The following CIBAR1 variants were observed in gnomAD, a reference collection of about 807,000 sequenced individuals.
CIBAR1 encodes CBY1 interacting BAR domain containing 1.
A neutral mutation model predicts 44.0 loss-of-function variants in CIBAR1; 25 were observed. The ratio of observed to expected loss-of-function variants is 0.57; its 90% confidence interval spans 0.41 to 0.79. The LOEUF (loss-of-function observed/expected upper bound fraction) is 0.79, where lower values mean the gene tolerates loss of function less well. Ranked by LOEUF, CIBAR1 falls within the 30% of genes least tolerant of loss-of-function variation. CIBAR1 has a pLI of 0.00. For missense variants in CIBAR1, 278 were observed against 344.8 expected, an observed-to-expected ratio of 0.81 and a Z score of 1.53; for synonymous variants, 115 against 119.0, an observed-to-expected ratio of 0.97 and a Z score of 0.22.
intron 1 of CIBAR1, 135 bp downstream of exon 1, chr8:93,700,808 C>T (rs1429219480): frequency 7.5e-7 from 1 of 1,337,230 alleles, no homozygotes; most frequent in African/African-American, 1.5e-5. Context: ...CCCGCTGTGA[C>T]CTGGGGCCTA....
At chr8:93,713,789 G>T (rs1485401828) in intron 6 of CIBAR1, among the ~76,000 whole-genome samples, 1 of 152,214 alleles carries the variant, frequency 6.6e-6, no homozygotes, top group Non-Finnish European at 1.5e-5. Context: ...ATCAGTTGAT[G>T]TGGTTTTACT....
intron 4 of CIBAR1, among the ~76,000 whole-genome samples, chr8:93,707,440 A>T (rs1810641591): frequency 6.6e-6 from 1 of 152,222 alleles, no homozygotes; most frequent in Admixed American, 6.5e-5. Context: ...TCTAAATTTT[A>T]AAATGAAAAT....
intron 7 of CIBAR1, among the ~76,000 whole-genome samples, chr8:93,720,340 T>C (rs184207652): frequency 6.6e-6 from 1 of 152,234 alleles, no homozygotes; most frequent in Admixed American, 6.5e-5. Context: ...CCTGTCCCAT[T>C]ACTCCACGGG....
At chr8:93,711,101 A>T (rs746420498) in intron 6 of CIBAR1, among the ~76,000 whole-genome samples, 2 of 152,170 alleles carry the variant, frequency 1.3e-5, no homozygotes, top group Non-Finnish European at 2.9e-5. Flanking sequence ...ATTCTAACAC[A>T]TATGTAGATT....
chr8:93,707,137 A>G, intron 4 of CIBAR1: 1 of 326,532 alleles, frequency 3.1e-6, no homozygotes, highest in Non-Finnish European at 6.0e-6. Flanking sequence ...TGATATCTGT[A>G]TTCATGGAGT....
chr8:93,709,388 CAAAAG>C (rs1563642484), intron 5 of CIBAR1, among the ~76,000 whole-genome samples: 1 of 151,516 alleles, frequency 6.6e-6, no homozygotes, highest in African/African-American at 2.4e-5. Context: ...GAGAGAGAGA[CAAAAG>C]AAAAATAATT....
chr8:93,722,512 C>A (rs1032465988), intron 7 of CIBAR1, among the ~76,000 whole-genome samples: 8 of 152,128 alleles, frequency 5.3e-5, no homozygotes, highest in Admixed American at 5.2e-4. Context: ...TCCTGGCCAA[C>A]ATGATGAAAC....
Position 93,704,901 on chromosome 8 carries a change from A to G in CIBAR1, c.331-8A>G, listed in dbSNP as rs746040765. The G allele has an allele frequency of 1.9e-6, 3 of 1,547,982 alleles. No individual in the cohort carries two copies. Among genetic ancestry groups the G allele is most frequent in the Admixed American group, 2.1e-5 (1 of 48,116 alleles). ...CATTTTTACTAACAAAAAAATGCCA[A>G]TTTGCAGGATGACCTCAAAGCAACA... On this transcript the variant is annotated splice_region_variant and splice_polypyrimidine_tract_variant and intron_variant, in intron 3 of 8. Transcript: ENST00000518322.
chr8:93,717,560 T>A (rs1347466762), intron 6 of CIBAR1, among the ~76,000 whole-genome samples: 1 of 152,160 alleles, frequency 6.6e-6, no homozygotes, highest in African/African-American at 2.4e-5. Context: ...TAATGCTCCC[T>A]TAAGTGTTTT....
chr8:93,716,035 G>A (rs1174890037), intron 6 of CIBAR1: 1 of 152,016 alleles, frequency 6.6e-6, no homozygotes, highest in African/African-American at 2.4e-5. Flanking sequence ...AGGTACAATG[G>A]TGAGTTTGTT....
chr8:93,708,207 G>A (rs888078714), intron 5 of CIBAR1, among the ~76,000 whole-genome samples, 191 bp downstream of exon 5: 7 of 152,136 alleles, frequency 4.6e-5, no homozygotes, highest in Non-Finnish European at 1.0e-4. Flanking sequence ...TGACTTTTGA[G>A]TAAATATAAT....
rs1194363790 is a variant in CIBAR1 at position 93,700,691 on chromosome 8, G to C, written c.26+18G>C. 6.7e-7 allele frequency: 1 copy of C among 1,498,500 alleles called. No individual in the cohort carries two copies. Among genetic ancestry groups the C allele is most frequent in the East Asian group, 2.9e-5 (1 of 34,480 alleles). 92.8% of individuals were successfully genotyped at this position (1,498,500 alleles called of 1,614,324 possible). A position where few individuals can be genotyped will look rare whatever the true frequency, so the allele number is the denominator to read the frequency against. ...GAAAACCGGTAACAGCCCGAGCCCAGCTGCCCAGGGCCGCCCACACTGGAG... is the reference window on the plus strand; with the variant it reads ...GAAAACCGGTAACAGCCCGAGCCCACCTGCCCAGGGCCGCCCACACTGGAG... On this transcript the variant is annotated intron_variant, in intron 1 of 8. Coordinates refer to ENST00000518322, the MANE Select transcript of CIBAR1 (RefSeq NM_145269.5).
intron 1 of CIBAR1, 88 bp downstream of exon 1, chr8:93,700,761 C>T: frequency 2.1e-6 from 3 of 1,398,516 alleles, no homozygotes; most frequent in Non-Finnish European, 2.8e-6. Context: ...GGGGCCTCTG[C>T]GCCGAATTCC....
At position 93,717,239 on chromosome 8, in the gene CIBAR1, A is replaced by T. The variant is rs1811068784; in HGVS notation, c.544-1436A>T. The stretch of plus-strand genomic sequence containing the variant: ...CTCTAGGAGTTTCCACACTCAAGAA[A>T]ACCTGACTCCTTTCTGGTTTGCAAC... On this transcript the variant is annotated intron_variant, in intron 6 of 8. Transcript: ENST00000518322. Among the ~76,000 whole-genome samples, 4 of 152,338 alleles carry T rather than the reference A, an allele frequency of 2.6e-5. 1 individual carries two copies. The Middle Eastern group carries it at 0.014, about 518-fold the overall frequency.
Position 93,730,194 on chromosome 8 carries a change from G to T in CIBAR1, c.*1897G>T, listed in dbSNP as rs1166976554. Reference sequence around the variant, plus strand: ...TTCATACATAATTATACATCATATAGTATCTAATACAGCTCAATAAACAAC... The same window carrying T: ...TTCATACATAATTATACATCATATATTATCTAATACAGCTCAATAAACAAC... On this transcript the variant is annotated 3_prime_UTR_variant, in exon 9 of 9. Transcript: ENST00000518322. The T allele has an allele frequency of 6.6e-6, 1 of 152,118 alleles. No homozygotes were observed. The highest frequency in any genetic ancestry group is 1.5e-5 in the Non-Finnish European group (1 of 68,018). 9.4% of individuals were successfully genotyped at this position (152,118 alleles called of 1,614,324 possible).
At chr8:93,724,617 C>A in intron 7 of CIBAR1, 1 of 1,246,546 alleles carries the variant, frequency 8.0e-7, no homozygotes, top group African/African-American at 1.6e-5. Context: ...AGGGAGAATG[C>A]CCAGGCTTAT....
chr8:93,721,381 TTCC>T (rs1811256120), intron 7 of CIBAR1, among the ~76,000 whole-genome samples: 1 of 152,360 alleles, frequency 6.6e-6, no homozygotes, highest in East Asian at 1.9e-4. Flanking sequence ...CCCCAAGGTT[TTCC>T]TCCTCATCCC....
At chr8:93,713,040 T>TC (rs1438392368) in intron 6 of CIBAR1, among the ~76,000 whole-genome samples, 8 of 145,734 alleles carry the variant, frequency 5.5e-5, no homozygotes, top group Non-Finnish European at 1.1e-4. Context: ...TTTCTTTTTT[T>TC]TTTTTTTTTC....
intron 7 of CIBAR1, among the ~76,000 whole-genome samples, chr8:93,725,152 G>GT (rs914232485): frequency 6.6e-6 from 1 of 151,726 alleles, no homozygotes; most frequent in African/African-American, 2.4e-5. Context: ...CTGGCTGATT[G>GT]TTTTTTTGTT....
Sources: allele counts gnomAD v4.1 joint callset (sites outside exome capture counted in the v4.1 genomes callset), GRCh38; gene constraint gnomAD v4.1.1; transcripts MANE v1.5; gene names NCBI Gene and HGNC (gene_info 2026-07-23, HGNC 2026-07-21).